Variants in EPHA2 observed in about 807,000 individuals in gnomAD.
EPHA2 encodes the protein ephrin type-A receptor 2.
Under a neutral mutation model 104.9 loss-of-function variants are expected in EPHA2, and 54 were observed. That is an observed-to-expected ratio of 0.51 (90% CI 0.41 to 0.65). The LOEUF (loss-of-function observed/expected upper bound fraction) is 0.65, where lower values mean the gene tolerates loss of function less well. Among genes scored for constraint, EPHA2 ranks in the 30% least tolerant of loss-of-function variants. The pLI is 0.00. For missense variants in EPHA2, 1,117 were observed against 1,369.5 expected (o/e 0.82, Z 2.91); for synonymous variants, 560 against 559.1 (o/e 1.00, Z -0.02).
At position 16,148,631 on chromosome 1, in the gene EPHA2, C is replaced by G. The variant is rs6678618; in HGVS notation, c.570G>C (p.Ala190=). ...LAFQDIGACV[A]LLSVRVYYKK... is the part of the protein sequence containing the mutation. ...TGTAGTAGACACGGACGGAGAGCAGCGCCACACAGGCACCGATATCCTGGA... is the reference window on the plus strand; with the variant it reads ...TGTAGTAGACACGGACGGAGAGCAGGGCCACACAGGCACCGATATCCTGGA... Residue 190 remains alanine (A), a synonymous_variant, in exon 3 of 17, where the codon GCG becomes GCC. Transcript: ENST00000358432. The surrounding 1 kb of genome is among the most constrained non-coding windows in gnomAD (Gnocchi z 4.9). 1.6e-5 allele frequency: 25 copies of G among 1,607,532 alleles called. No individual in the cohort carries two copies. The highest frequency in any genetic ancestry group is 2.0e-5 in the Non-Finnish European group (24 of 1,179,802).
At chr1:16,154,865 G>A (rs542698850) in intron 1 of EPHA2, among the ~76,000 whole-genome samples, 9 of 152,110 alleles carry the variant, frequency 5.9e-5, no homozygotes, top group Non-Finnish European at 1.3e-4. Flanking sequence ...CAGGCAGGAG[G>A]GGAAGCCTTG....
intron 3 of EPHA2, among the ~76,000 whole-genome samples, chr1:16,141,189 T>A (rs1224316758): frequency 6.6e-6 from 1 of 152,160 alleles, no homozygotes; most frequent in East Asian, 1.9e-4. Context: ...CTATGTGTTG[T>A]GGAGGAGGGG....
chr1:16,151,284 G>C lies in EPHA2; in HGVS notation c.86-321C>G, dbSNP rs573312340. Among the ~76,000 whole-genome samples the C allele has an allele frequency of 2.0e-5, 3 of 152,216 alleles. No individual in the cohort carries two copies. The East Asian group carries it at 5.8e-4, about 29-fold the overall frequency. ...CAGAGCAGGCCAGGGAGCTCAGCCC[G>C]GCAGGAGAACAGCAGCTGGGCAGAG... is the stretch of plus-strand genomic sequence containing the variant. On this transcript the variant is annotated intron_variant, in intron 1 of 16. Coordinates refer to ENST00000358432, the MANE Select transcript of EPHA2 (RefSeq NM_004431.5).
Position 16,130,975 on chromosome 1 carries a change from T to A in EPHA2, c.2476-556A>T, listed in dbSNP as rs1214933769. On this transcript the variant is annotated intron_variant, in intron 14 of 16. Coordinates refer to ENST00000358432, the MANE Select transcript of EPHA2 (RefSeq NM_004431.5). This position sits in a 1 kb window ranked among gnomAD's most constrained non-coding sequence, Gnocchi z 4.5. ...ACAGGGCACCAGGCAGCAGCCACAC[T>A]GTGTACCCTCAGCCCAGCCTCCCTC... Among the ~76,000 whole-genome samples, 1 of 152,084 alleles carries A rather than the reference T, an allele frequency of 6.6e-6. No homozygotes were observed. The highest frequency in any genetic ancestry group is 2.4e-5 in the African/African-American group (1 of 41,412).
rs2024436966 is a variant in EPHA2 at position 16,124,928 on chromosome 1, T to G, written c.*287A>C. 2 of 461,028 alleles carry G rather than the reference T, an allele frequency of 4.3e-6. No homozygotes were observed. Among genetic ancestry groups the G allele is most frequent in the South Asian group, 2.2e-5 (1 of 44,786 alleles). 28.6% of individuals were successfully genotyped at this position (461,028 alleles called of 1,614,324 possible). ...GGCTTGGGAATATCCCATATGTCTGTCCGAAGGCTGTGGCGGGGCTCCTGC... is the reference window on the plus strand; with the variant it reads ...GGCTTGGGAATATCCCATATGTCTGGCCGAAGGCTGTGGCGGGGCTCCTGC... On this transcript the variant is annotated 3_prime_UTR_variant, in exon 17 of 17. Transcript: ENST00000358432.
Position 16,125,384 on chromosome 1 carries a change from T to TG in EPHA2, c.2826-65dup. The TG allele has an allele frequency of 1.3e-5, 1 of 78,542 alleles. No individual in the cohort carries two copies. Among genetic ancestry groups the TG allele is most frequent in the African/African-American group, 8.5e-5 (1 of 11,832 alleles). The allele number at this position is 78,542 out of a possible 1,614,324, so 4.9% of individuals were successfully genotyped here. A position where few individuals can be genotyped will look rare whatever the true frequency, so the allele number is the denominator to read the frequency against. ...GAGCAGGGGAGGGGGCCGGGCTGGGTGGGGACAGGACTCGGTGGGCGGCTG... is the reference window on the plus strand; with the variant it reads ...GAGCAGGGGAGGGGGCCGGGCTGGGTGGGGGACAGGACTCGGTGGGCGGCTG... On this transcript the variant is annotated intron_variant, in intron 16 of 16. Transcript: ENST00000358432. The surrounding 1 kb of genome is among the most constrained non-coding windows in gnomAD (Gnocchi z 4.9).
chr1:16,153,595 C>A (rs926560616), intron 1 of EPHA2, among the ~76,000 whole-genome samples: 10 of 152,182 alleles, frequency 6.6e-5, no homozygotes, highest in Admixed American at 2.0e-4. Flanking sequence ...AGCCAAGAAG[C>A]GGGATGCTCA....
At chr1:16,127,474 CAG>C (rs2024491671) in intron 16 of EPHA2, among the ~76,000 whole-genome samples, 1 of 152,048 alleles carries the variant, frequency 6.6e-6, no homozygotes. Flanking sequence ...GGGGACCAGG[CAG>C]CTGGTCCCCT....
Position 16,149,066 on chromosome 1 carries a change from G to T in EPHA2, c.154-19C>A. ...GGTCCCACTGTGGGGGGAAGATACA[G>T]GTTAGTGTGGGCAGGTGCCTGGGGA... On this transcript the variant is annotated intron_variant, in intron 2 of 16. Coordinates refer to ENST00000358432, the MANE Select transcript of EPHA2 (RefSeq NM_004431.5). The T allele has an allele frequency of 1.2e-6, 2 of 1,609,724 alleles. No individual in the cohort carries two copies. Among genetic ancestry groups the T allele is most frequent in the East Asian group, 2.2e-5 (1 of 44,880 alleles).
intron 15 of EPHA2, among the ~76,000 whole-genome samples, chr1:16,129,947 C>G (rs1022264960): frequency 6.6e-6 from 1 of 152,200 alleles, no homozygotes; most frequent in Non-Finnish European, 1.5e-5. Context: ...TCTTCTTCTA[C>G]AAAATGAGGA....
In EPHA2 at chr1:16,155,717, C is replaced by T. The variant is rs574285726; in HGVS notation, c.85+131G>A. ...GCTCGCCTCGATCGCAGCCCGTGCG[C>T]CCTCCGGACTCCAGTTCGCCGGGAC... On this transcript the variant is annotated intron_variant, in intron 1 of 16. Coordinates refer to ENST00000358432, the MANE Select transcript of EPHA2 (RefSeq NM_004431.5). 42 of 689,810 alleles carry T rather than the reference C, an allele frequency of 6.1e-5. 1 individual carries two copies. The South Asian group carries it at 1.2e-3, about 20-fold the overall frequency. The allele number at this position is 689,810 out of a possible 1,614,324, so 42.7% of individuals were successfully genotyped here.
Position 16,150,851 on chromosome 1 carries a change from G to A in EPHA2, c.153+45C>T, listed in dbSNP as rs2025020632. ...GTTTCTCCATCTCTACAGGGGACCAGCAGCCCCATTCTCACACCTCTCCCC... is the reference window on the plus strand; with the variant it reads ...GTTTCTCCATCTCTACAGGGGACCAACAGCCCCATTCTCACACCTCTCCCC... On this transcript the variant is annotated intron_variant, in intron 2 of 16. Transcript: ENST00000358432. The surrounding 1 kb of genome is among the most constrained non-coding windows in gnomAD (Gnocchi z 4.8). 1.9e-6 allele frequency: 3 copies of A among 1,602,208 alleles called. No homozygotes were observed. The highest frequency in any genetic ancestry group is 1.1e-5 in the South Asian group (1 of 90,838).
At chr1:16,153,958 C>G (rs945552998) in intron 1 of EPHA2, among the ~76,000 whole-genome samples, 2 of 151,958 alleles carry the variant, frequency 1.3e-5, no homozygotes, top group Admixed American at 6.5e-5. Context: ...GACTCAGAGT[C>G]GAAGCAAAAA....
chr1:16,141,737 G>A (rs188549006), intron 3 of EPHA2, among the ~76,000 whole-genome samples: 29 of 152,364 alleles, frequency 1.9e-4, no homozygotes, highest in Admixed American at 7.2e-4. Context: ...GGAAGAGATG[G>A]GCTCTTTGGC....
chr1:16,129,079 C>T (rs966169756), intron 16 of EPHA2, among the ~76,000 whole-genome samples: 1 of 151,658 alleles, frequency 6.6e-6, no homozygotes, highest in African/African-American at 2.4e-5. Context: ...TGTTTCTCAC[C>T]TGCACCTGTT....
rs2024982102 is a variant in EPHA2, at chr1:16,148,742, G to A, written c.459C>T (p.Ser153=). 6.2e-7 allele frequency: 1 copy of A among 1,613,856 alleles called. No homozygotes were observed. The highest frequency in any genetic ancestry group is 1.7e-5 in the Admixed American group (1 of 60,016). Residue 153 remains serine, a synonymous_variant, in exon 3 of 17, where the codon AGC becomes AGT. Coordinates refer to ENST00000358432, the MANE Select transcript of EPHA2 (RefSeq NM_004431.5). This position sits in a 1 kb window ranked among gnomAD's most constrained non-coding sequence, Gnocchi z 4.9. ...DTIAPDEITV[S]SDFEARHVKL... ...TCACGTGGCGTGCCTCGAAGTCGCTGCTGACGGTGATCTCATCGGGCGCAA... is the reference window on the plus strand; with the variant it reads ...TCACGTGGCGTGCCTCGAAGTCGCTACTGACGGTGATCTCATCGGGCGCAA...
rs1364491474 is a variant in EPHA2 at position 16,132,107 on chromosome 1, G to T, written c.2282C>A (p.Ser761Tyr). 6.2e-7 allele frequency: 1 copy of T among 1,614,212 alleles called. No homozygotes were observed. Among genetic ancestry groups the T allele is most frequent in the Admixed American group, 1.7e-5 (1 of 60,036 alleles). The change falls in exon 13 of 17, where the codon TCC becomes TAC. Residue 761 changes from serine to tyrosine, a missense_variant. By Grantham distance (144) the Ser-to-Tyr change is moderately radical. Around this residue, in one of 3 missense-constraint regions of EPHA2, gnomAD observed 340 missense variants for 480.5 expected, o/e 0.71. Transcript: ENST00000358432. Reference protein sequence around the residue: ...LVCKVSDFGLSRVLEDDPEAT... With the variant: ...LVCKVSDFGLYRVLEDDPEAT... Reference sequence around the variant, plus strand: ...CTCGGGGTCGTCCTCCAGCACGCGGGACAGGCCAAAGTCAGACACCTTGCA... The same window carrying T: ...CTCGGGGTCGTCCTCCAGCACGCGGTACAGGCCAAAGTCAGACACCTTGCA...
intron 5 of EPHA2, among the ~76,000 whole-genome samples, chr1:16,136,692 GGAAGAA>G (rs545827541): frequency 1.3e-4 from 8 of 60,042 alleles, no homozygotes; most frequent in Middle Eastern, 0.015. Flanking sequence ...AAGAAGAAGA[GGAAGAA>G]GAAGAAGAAG....
At chr1:16,153,447 C>A (rs1177573937) in intron 1 of EPHA2, 1 of 428,598 alleles carries the variant, frequency 2.3e-6, no homozygotes, top group African/African-American at 2.2e-5. Context: ...TCCTGGCACT[C>A]TCCAGCCCTC....
Sources: allele counts gnomAD v4.1 joint callset (sites outside exome capture counted in the v4.1 genomes callset), GRCh38; gene constraint gnomAD v4.1.1; regional missense constraint gnomAD v4.1.1; non-coding constraint Gnocchi (gnomAD v3.1); transcripts MANE v1.5; gene names NCBI Gene and HGNC (gene_info 2026-07-23, HGNC 2026-07-21).